Variants in SERPINE2 observed in about 807,000 individuals in gnomAD.
SERPINE2 encodes glia-derived nexin.
A neutral mutation model predicts 36.3 loss-of-function variants in SERPINE2; 14 were observed. The observed-to-expected ratio is 0.39, with a 90% CI of 0.25 to 0.60. SERPINE2 has a LOEUF of 0.60. SERPINE2 is among the 20% of genes least tolerant of loss of function. SERPINE2 has a pLI of 0.57. For missense variants in SERPINE2, 418 were observed against 499.6 expected (o/e 0.84, Z 1.56); for synonymous variants, 192 against 191.8 (o/e 1.00, Z -0.01).
intron 1 of SERPINE2, chr2:224,031,111 T>C: frequency 1.0e-6 from 1 of 985,390 alleles, no homozygotes; most frequent in Non-Finnish European, 1.2e-6. Context: ...GGTATAAACA[T>C]TGATGGGATG....
chr2:223,990,614 C>T (rs1307952943), intron 4 of SERPINE2, among the ~76,000 whole-genome samples: 2 of 151,782 alleles, frequency 1.3e-5, no homozygotes, highest in Non-Finnish European at 2.9e-5. Flanking sequence ...AAAAGATTGA[C>T]CTAAAATAAA....
At chr2:224,028,470 T>C (rs1001029412) in intron 1 of SERPINE2, among the ~76,000 whole-genome samples, 1 of 152,194 alleles carries the variant, frequency 6.6e-6, no homozygotes, top group African/African-American at 2.4e-5. Flanking sequence ...TGACCTTCAA[T>C]CTGTGAGGCC....
chr2:223,984,684 G>A (rs1044516172), intron 5 of SERPINE2, 68 bp downstream of exon 5: 1 of 1,469,570 alleles, frequency 6.8e-7, no homozygotes, highest in African/African-American at 1.4e-5. Context: ...CATGTTGTCT[G>A]GTGTCCGACA....
intron 1 of SERPINE2, among the ~76,000 whole-genome samples, chr2:224,006,471 T>C (rs916569278): frequency 6.6e-6 from 1 of 152,350 alleles, no homozygotes; most frequent in East Asian, 1.9e-4. Flanking sequence ...TGTGATGTTT[T>C]TCCTGATTGT....
rs1450139202 is a variant in SERPINE2 at position 223,984,652 on chromosome 2, A to G, written c.884+100T>C. The G allele has an allele frequency of 2.7e-6, 3 of 1,098,934 alleles. No homozygotes were observed. In the Admixed American group the frequency reaches 6.3e-5, roughly 23 times the overall value. 68.1% of individuals were successfully genotyped at this position (1,098,934 alleles called of 1,614,324 possible). A position where few individuals can be genotyped will look rare whatever the true frequency, so the allele number is the denominator to read the frequency against. ...ATTTCTGCAGAACAGAACAGGCTTC[A>G]TGATGTGCCATATTTTCGCCTCATG... On this transcript the variant is annotated intron_variant, in intron 5 of 8. Coordinates refer to ENST00000409304, the MANE Select transcript of SERPINE2 (RefSeq NM_001136528.2).
intron 3 of SERPINE2, among the ~76,000 whole-genome samples, 169 bp from the exon 4 acceptor site, chr2:223,992,169 C>A (rs965302307): frequency 1.6e-4 from 25 of 152,100 alleles, no homozygotes; most frequent in African/African-American, 5.1e-4. Flanking sequence ...TCCCCTCCCC[C>A]ACTAAATATT....
intron 2 of SERPINE2, among the ~76,000 whole-genome samples, chr2:224,001,132 T>A (rs993590422): frequency 6.6e-6 from 1 of 152,174 alleles, no homozygotes; most frequent in African/African-American, 2.4e-5. Flanking sequence ...TCATTTTCCA[T>A]ACACTCCTGT....
intron 1 of SERPINE2, among the ~76,000 whole-genome samples, chr2:224,016,609 T>C (rs557974294): frequency 2.6e-5 from 4 of 152,298 alleles, no homozygotes; most frequent in African/African-American, 9.6e-5. Flanking sequence ...CTTAACTGTA[T>C]AATCCAGCAA....
chr2:224,014,600 C>G (rs1255359876), intron 1 of SERPINE2, among the ~76,000 whole-genome samples: 1 of 152,118 alleles, frequency 6.6e-6, no homozygotes, highest in South Asian at 2.1e-4. Context: ...TTCTTTATCT[C>G]GGCACTACTG....
Position 224,031,759 on chromosome 2 carries a change from A to ACCCCCCAC in SERPINE2, c.-23+7339_-23+7340insGTGGGGGG, listed in dbSNP as rs1692386334. ...TTCCTCCCTAGGATTTCCACCCCCC[A>ACCCCCCAC]CCCCCCCCGCCGGCTGGAACTGGCT... On this transcript the variant is annotated intron_variant, in intron 1 of 8. Coordinates refer to ENST00000409304, the MANE Select transcript of SERPINE2 (RefSeq NM_001136528.2). Among the ~76,000 whole-genome samples, 3 of 93,686 alleles carry ACCCCCCAC rather than the reference A, an allele frequency of 3.2e-5. No individual in the cohort carries two copies. The Admixed American group carries it at 3.3e-4, about 10-fold the overall frequency. The allele number at this position is 93,686 out of a possible 152,430, so 61.5% of individuals were successfully genotyped here. A position where few individuals can be genotyped will look rare whatever the true frequency, so the allele number is the denominator to read the frequency against.
rs751041382 is a variant in SERPINE2, at chr2:224,001,794, A to G, written c.107T>C (p.Ile36Thr). The G allele has an allele frequency of 1.2e-6, 2 of 1,613,910 alleles. No homozygotes were observed. The highest frequency in any genetic ancestry group is 2.7e-5 in the African/African-American group (2 of 74,858). The change falls in exon 2 of 9, where the codon ATC becomes ACC. Residue 36 changes from isoleucine (I) to threonine (T), a missense_variant. By Grantham distance (89) the Ile-to-Thr change is moderately conservative (BLOSUM62 -1). Coordinates refer to ENST00000409304, the MANE Select transcript of SERPINE2 (RefSeq NM_001136528.2). Reference protein sequence around the residue: ...SLEELGSNTGIQVFNQIVKSR... With the variant: ...SLEELGSNTGTQVFNQIVKSR... ...CTTCACAATCTGATTGAAAACCTGGATCCCCGTGTTGGAGCCTAGTTCCTC... is the reference window on the plus strand; with the variant it reads ...CTTCACAATCTGATTGAAAACCTGGGTCCCCGTGTTGGAGCCTAGTTCCTC...
intron 1 of SERPINE2, among the ~76,000 whole-genome samples, chr2:224,035,060 G>T (rs1285619186): frequency 6.6e-6 from 1 of 152,106 alleles, no homozygotes; most frequent in Non-Finnish European, 1.5e-5. Flanking sequence ...TATTAGGAGG[G>T]ACCCAAGAAG....
intron 5 of SERPINE2, 21 bp from the exon 6 acceptor site, chr2:223,982,802 G>C: frequency 1.3e-6 from 2 of 1,572,202 alleles, no homozygotes; most frequent in Non-Finnish European, 1.7e-6. Context: ...AGCAGAAATG[G>C]AGAAAAAAAA....
chr2:224,009,610 G>C (rs1042558740), intron 1 of SERPINE2, among the ~76,000 whole-genome samples: 1 of 151,924 alleles, frequency 6.6e-6, no homozygotes, highest in South Asian at 2.1e-4. Context: ...TGTGGGAATC[G>C]CTTGAACCCA....
chr2:223,992,264 C>A (rs1309631867), intron 3 of SERPINE2, among the ~76,000 whole-genome samples: 6 of 152,096 alleles, frequency 3.9e-5, no homozygotes, highest in African/African-American at 1.2e-4. Flanking sequence ...TCAAGAAATT[C>A]TTTTATTATC....
intron 3 of SERPINE2, among the ~76,000 whole-genome samples, chr2:223,993,471 G>C (rs1421236565): frequency 6.6e-6 from 1 of 151,918 alleles, no homozygotes; most frequent in East Asian, 1.9e-4. Context: ...TTTTTAAATA[G>C]GGATCAGTAA....
intron 1 of SERPINE2, among the ~76,000 whole-genome samples, chr2:224,036,527 A>G (rs2106208087): frequency 6.6e-6 from 1 of 151,538 alleles, no homozygotes; most frequent in South Asian, 2.1e-4. Context: ...TAGGAGAAAT[A>G]CCTAATGTGA....
intron 3 of SERPINE2, among the ~76,000 whole-genome samples, chr2:223,992,621 G>A (rs1209262083): frequency 2.0e-5 from 3 of 152,190 alleles, no homozygotes; most frequent in Non-Finnish European, 4.4e-5. Context: ...CTTTGTTTAT[G>A]GGTCAGGCAT....
At chr2:224,034,969 G>A (rs1692487720) in intron 1 of SERPINE2, among the ~76,000 whole-genome samples, 1 of 152,148 alleles carries the variant, frequency 6.6e-6, no homozygotes, top group Non-Finnish European at 1.5e-5. Context: ...TCAATCTTGA[G>A]ATACCAAACT....
Sources: allele counts gnomAD v4.1 joint callset (sites outside exome capture counted in the v4.1 genomes callset), GRCh38; gene constraint gnomAD v4.1.1; transcripts MANE v1.5; gene names NCBI Gene and HGNC (gene_info 2026-07-23, HGNC 2026-07-21).